The following NYNRIN variants were observed in gnomAD, a reference collection of about 807,000 sequenced individuals.
The protein encoded by NYNRIN is protein NYNRIN.
In NYNRIN, 86 loss-of-function variants were observed where a neutral mutation model predicts 146.6. The ratio of observed to expected loss-of-function variants is 0.59; its 90% CI spans 0.49 to 0.70. The LOEUF (loss-of-function observed/expected upper bound fraction) is 0.70. NYNRIN is among the 30% of genes least tolerant of loss of function. The probability of loss-of-function intolerance (pLI) is 0.00; values close to 1 mark genes in which losing one functional copy is unlikely to be tolerated. For missense variants in NYNRIN, 2,191 were observed against 2,377.7 expected (o/e 0.92, Z 1.63); for synonymous variants, 1,027 against 1,001.3 (o/e 1.03, Z -0.48).
Position 24,417,806 on chromosome 14 carries a change from G to A in NYNRIN, c.*360G>A, listed in dbSNP as rs538262230. The A allele has an allele frequency of 4.4e-6, 1 of 225,674 alleles. No homozygotes were observed. Among genetic ancestry groups the A allele is most frequent in the Admixed American group, 5.1e-5 (1 of 19,578 alleles). 14.0% of individuals were successfully genotyped at this position (225,674 alleles called of 1,614,324 possible). A position where few individuals can be genotyped will look rare whatever the true frequency, so the allele number is the denominator to read the frequency against. ...GTGGTGTGCACACACACTCACGAAA[G>A]AATCTATCTTGGCCATGAAACTGTG... On this transcript the variant is annotated 3_prime_UTR_variant, in exon 9 of 9. Coordinates refer to ENST00000382554, the MANE Select transcript of NYNRIN (RefSeq NM_025081.3).
chr14:24,399,666 C>A (rs2042828728), intron 2 of NYNRIN, among the ~76,000 whole-genome samples: 1 of 152,184 alleles, frequency 6.6e-6, no homozygotes, highest in African/African-American at 2.4e-5. Flanking sequence ...CCTGCCCCAC[C>A]CCTTCCCTAC....
chr14:24,409,149 T>G lies in NYNRIN; in HGVS notation c.1355T>G (p.Ile452Ser). 1 of 1,613,896 alleles carries G rather than the reference T, an allele frequency of 6.2e-7. No individual in the cohort carries two copies. The highest frequency in any genetic ancestry group is 8.5e-7 in the Non-Finnish European group (1 of 1,179,878). The stretch of plus-strand genomic sequence containing the variant: ...CTGCAGAATTGCCCAAGGCCAGAGA[T>G]TTCCCCAAAAGTTACGAGTTTATTG... The part of the protein sequence containing the change: ...AALQNCPRPE[I>S]SPKVTSLLVV... The change falls in exon 4 of 9, where the codon ATT (isoleucine) becomes AGT (serine). Residue 452 changes from isoleucine (I) to serine (S), a missense_variant. Ile to Ser is a moderately radical substitution (Grantham distance 142, BLOSUM62 -2). Transcript: ENST00000382554.
At position 24,416,230 on chromosome 14, in the gene NYNRIN, G is replaced by A; in HGVS notation, c.4481G>A (p.Arg1494Lys). The change falls in exon 9 of 9, where the codon AGG (arginine) becomes AAG (lysine). Residue 1494 changes from arginine (R) to lysine (K), a missense_variant. Coordinates refer to ENST00000382554, the MANE Select transcript of NYNRIN (RefSeq NM_025081.3). Reference sequence around the variant, plus strand: ...AGCACCCTGGCCGACATCATTGCCAGGCTGCAGGCTGGGCAGAAACTGTCT... The same window carrying A: ...AGCACCCTGGCCGACATCATTGCCAAGCTGCAGGCTGGGCAGAAACTGTCT... ...SDSTLADIIA[R>K]LQAGQKLSGS... 1.2e-6 allele frequency: 2 copies of A among 1,613,990 alleles called. No individual in the cohort carries two copies. The highest frequency in any genetic ancestry group is 1.6e-4 in the Middle Eastern group (1 of 6,062).
rs750271245 is a variant in NYNRIN at position 24,409,996 on chromosome 14, C to G, written c.2202C>G (p.Ser734Arg). 76 of 1,613,642 alleles carry G rather than the reference C, an allele frequency of 4.7e-5. No homozygotes were observed. Among genetic ancestry groups the G allele is most frequent in the Non-Finnish European group, 4.1e-5 (48 of 1,179,770 alleles). The change falls in exon 4 of 9, where the codon AGC (serine) becomes AGG (arginine). Residue 734 changes from serine (S) to arginine (R), a missense_variant. Physicochemically the swap from Ser to Arg is moderately radical, Grantham distance 110. Transcript: ENST00000382554. ...GPQSSGTLALSSKHQFQMEGL... is the reference protein window; with the variant it reads ...GPQSSGTLALRSKHQFQMEGL... ...AGTCCAGTGGCACCTTGGCCCTCAG[C>G]AGTAAGCACCAGTTTCAGATGGAGG... is the stretch of plus-strand genomic sequence containing the variant.
At position 24,416,381 on chromosome 14, in the gene NYNRIN, G is replaced by C. The variant is rs762174961; in HGVS notation, c.4632G>C (p.Leu1544=). The change falls in exon 9 of 9, where the codon CTG becomes CTC. Residue 1544 remains leucine, a synonymous_variant. Coordinates refer to ENST00000382554, the MANE Select transcript of NYNRIN (RefSeq NM_025081.3). ...TCCCGACGCAACTCCGGAGGGATCT[G>C]ATTTTCTCTGTGCATGACATTCCCT... The part of the protein sequence containing the change: ...WVVPTQLRRD[L]IFSVHDIPLG... 1.9e-6 allele frequency: 3 copies of C among 1,613,054 alleles called. No homozygotes were observed. The South Asian group carries it at 3.3e-5, about 18-fold the overall frequency.
chr14:24,413,555 T>C, intron 8 of NYNRIN, 138 bp downstream of exon 8: 1 of 596,608 alleles, frequency 1.7e-6, no homozygotes, highest in African/African-American at 1.9e-5. Context: ...TTGTGCCACA[T>C]GTTTATGTGT....
intron 6 of NYNRIN, chr14:24,412,783 A>G (rs1220011312): frequency 2.1e-6 from 1 of 475,550 alleles, no homozygotes; most frequent in African/African-American, 2.0e-5. Context: ...GCGTGCATCC[A>G]AGGTCACCCT....
chr14:24,411,471 G>A lies in NYNRIN; in HGVS notation c.2642+21G>A. On this transcript the variant is annotated intron_variant, in intron 6 of 8. Transcript: ENST00000382554. The surrounding 1 kb of genome is among the most constrained non-coding windows in gnomAD (Gnocchi z 4.3). ...TATAGGTGTGCCGGTCCCCAGGCCT[G>A]CCCTCCTGGGCTCAGGGAGTTGGGC... 1 of 1,603,846 alleles carries A rather than the reference G, an allele frequency of 6.2e-7. No homozygotes were observed. The highest frequency in any genetic ancestry group is 1.7e-4 in the Middle Eastern group (1 of 6,048).
chr14:24,411,172 C>T lies in NYNRIN; in HGVS notation c.2511C>T (p.Pro837=). The change falls in exon 5 of 9, where the codon CCC becomes CCT. Residue 837 remains proline, a synonymous_variant. Coordinates refer to ENST00000382554, the MANE Select transcript of NYNRIN (RefSeq NM_025081.3). This position sits in a 1 kb window ranked among gnomAD's most constrained non-coding sequence, Gnocchi z 4.3. ...RGHREVTVFV[P]TWQLKKNRRV... ...ACCGAGAGGTCACTGTGTTTGTACC[C>T]ACCTGGCAGCTGAAGAAGAACCGGA... is the stretch of plus-strand genomic sequence containing the variant. 1 of 1,605,846 alleles carries T rather than the reference C, an allele frequency of 6.2e-7. No homozygotes were observed. The highest frequency in any genetic ancestry group is 1.1e-5 in the South Asian group (1 of 90,174).
chr14:24,417,713 T>C lies in NYNRIN; in HGVS notation c.*267T>C. 2.4e-6 allele frequency: 1 copy of C among 410,574 alleles called. No homozygotes were observed. The highest frequency in any genetic ancestry group is 4.3e-6 in the Non-Finnish European group (1 of 231,910). The allele number at this position is 410,574 out of a possible 1,614,324, so 25.4% of individuals were successfully genotyped here. On this transcript the variant is annotated 3_prime_UTR_variant, in exon 9 of 9. Coordinates refer to ENST00000382554, the MANE Select transcript of NYNRIN (RefSeq NM_025081.3). ...TTTACACTGGGAAATGGAGTGCTCC[T>C]CTAGGCTATACCAGGCTCAGTGTCT... is the stretch of plus-strand genomic sequence containing the variant.
chr14:24,402,264 C>T (rs180776009), intron 2 of NYNRIN, among the ~76,000 whole-genome samples: 1 of 152,210 alleles, frequency 6.6e-6, no homozygotes, highest in Non-Finnish European at 1.5e-5. Flanking sequence ...ACTGGGGAGG[C>T]CTCTCTGAGG....
chr14:24,403,373 C>T (rs1046423075), intron 2 of NYNRIN, among the ~76,000 whole-genome samples: 2 of 152,152 alleles, frequency 1.3e-5, no homozygotes, highest in African/African-American at 4.8e-5. Flanking sequence ...TTCTTGGCGC[C>T]GTCTCTCCTG....
chr14:24,400,366 T>G (rs2139340005), intron 2 of NYNRIN, among the ~76,000 whole-genome samples: 1 of 152,324 alleles, frequency 6.6e-6, no homozygotes, highest in South Asian at 2.1e-4. Flanking sequence ...TTCCTTTATC[T>G]TACTTCTTCT....
intron 2 of NYNRIN, among the ~76,000 whole-genome samples, chr14:24,406,825 C>T (rs912401781): frequency 6.6e-6 from 1 of 152,230 alleles, no homozygotes; most frequent in East Asian, 1.9e-4. Flanking sequence ...CTCATGGGAC[C>T]GCACAGATGG....
Position 24,415,709 on chromosome 14 carries a change from GGAT to G in NYNRIN, c.3963_3965del (p.Asp1321del). ...TGTCGGGCTACTGCTTCTACCGTGAGGATGAGTGGTGTGCTGGCTTTGGTCTCT... is the reference window on the plus strand; with the variant it reads ...TGTCGGGCTACTGCTTCTACCGTGAGGAGTGGTGTGCTGGCTTTGGTCTCT... On this transcript the variant is annotated inframe_deletion, in exon 9 of 9. Coordinates refer to ENST00000382554, the MANE Select transcript of NYNRIN (RefSeq NM_025081.3). 6.2e-7 allele frequency: 1 copy of G among 1,613,936 alleles called. No homozygotes were observed. The highest frequency in any genetic ancestry group is 8.5e-7 in the Non-Finnish European group (1 of 1,179,858).
intron 2 of NYNRIN, among the ~76,000 whole-genome samples, chr14:24,403,973 T>C (rs1367217443): frequency 6.6e-6 from 1 of 152,188 alleles, no homozygotes; most frequent in Admixed American, 6.5e-5. Context: ...GTGTGAGATG[T>C]TTTTTTCTCT....
intron 2 of NYNRIN, among the ~76,000 whole-genome samples, chr14:24,400,168 A>G (rs1468931915): frequency 6.6e-6 from 1 of 151,938 alleles, no homozygotes; most frequent in Non-Finnish European, 1.5e-5. Context: ...GCCCTTGGAG[A>G]TGGGTGGGAG....
Position 24,415,852 on chromosome 14 carries a change from CCCCACT to C in NYNRIN, c.4108_4113del (p.Leu1370_Pro1371del). On this transcript the variant is annotated inframe_deletion, in exon 9 of 9. Coordinates refer to ENST00000382554, the MANE Select transcript of NYNRIN (RefSeq NM_025081.3). ...TGCGGCCTGGAGCGCTTTGGCCAGT[CCCCACT>C]CCCAGTGGTTTTCCTCACTCACTGC... 6.2e-7 allele frequency: 1 copy of C among 1,613,998 alleles called. No homozygotes were observed. The highest frequency in any genetic ancestry group is 8.5e-7 in the Non-Finnish European group (1 of 1,179,894).
chr14:24,418,294 C>G lies in NYNRIN; in HGVS notation c.*848C>G. The stretch of plus-strand genomic sequence containing the variant: ...TTCTGTTAGACCCAGGGGCCCCGGC[C>G]TCTGTTTTAAGGGGGCAGGGCGTCT... On this transcript the variant is annotated 3_prime_UTR_variant, in exon 9 of 9. Transcript: ENST00000382554. 2.2e-6 allele frequency: 1 copy of G among 456,396 alleles called. No individual in the cohort carries two copies. Among genetic ancestry groups the G allele is most frequent in the East Asian group, 7.0e-5 (1 of 14,368 alleles). 28.3% of individuals were successfully genotyped at this position (456,396 alleles called of 1,614,324 possible).
Sources: allele counts gnomAD v4.1 joint callset (sites outside exome capture counted in the v4.1 genomes callset), GRCh38; gene constraint gnomAD v4.1.1; non-coding constraint Gnocchi (gnomAD v3.1); transcripts MANE v1.5; gene names NCBI Gene and HGNC (gene_info 2026-07-23, HGNC 2026-07-21).